The following PSEN1 variants were observed in gnomAD, a reference collection of about 807,000 sequenced individuals.
PSEN1 encodes presenilin 1.
Under a neutral mutation model 53.5 loss-of-function variants are expected in PSEN1, and 15 were observed. The observed-to-expected ratio is 0.28, with a 90% confidence interval of 0.19 to 0.43. PSEN1 has a LOEUF of 0.43. PSEN1 is among the 20% of genes least tolerant of loss of function. PSEN1 has a pLI of 1.00. For synonymous variants in PSEN1, 208 were observed against 209.8 expected (o/e 0.99, Z 0.08); for missense variants, 387 against 571.2 (o/e 0.68, Z 3.29).
At chr14:73,152,835 G>C (rs1897264643) in intron 3 of PSEN1, among the ~76,000 whole-genome samples, 1 of 152,194 alleles carries the variant, frequency 6.6e-6, no homozygotes, top group Admixed American at 6.5e-5. Flanking sequence ...TTGAGGCCAG[G>C]AGTTCCAGAC....
At chr14:73,202,161 C>G (rs1566647865) in intron 8 of PSEN1, among the ~76,000 whole-genome samples, 1 of 151,716 alleles carries the variant, frequency 6.6e-6, no homozygotes, top group African/African-American at 2.4e-5. Flanking sequence ...TCTCCTGCCT[C>G]AGCCTCCCGA....
intron 5 of PSEN1, chr14:73,174,043 C>T (rs965162548): frequency 1.6e-5 from 7 of 432,938 alleles, no homozygotes; most frequent in African/African-American, 1.4e-4. Flanking sequence ...ATCTATATGT[C>T]ATGAAAAAAT....
At chr14:73,218,085 G>T (rs1435984701) in intron 11 of PSEN1, among the ~76,000 whole-genome samples, 1 of 131,820 alleles carries the variant, frequency 7.6e-6, no homozygotes, top group African/African-American at 3.1e-5. Flanking sequence ...ACCGCACCTG[G>T]CTTTTTTTTT....
At chr14:73,185,647 A>G (rs1381165857) in intron 5 of PSEN1, among the ~76,000 whole-genome samples, 1 of 152,116 alleles carries the variant, frequency 6.6e-6, no homozygotes, top group African/African-American at 2.4e-5. Context: ...AGCGCTTAAA[A>G]CAATTTTTAA....
chr14:73,172,053 G>C (rs1897907278), intron 4 of PSEN1, among the ~76,000 whole-genome samples: 1 of 152,132 alleles, frequency 6.6e-6, no homozygotes, highest in Admixed American at 6.6e-5. Flanking sequence ...AGTCTCCAGG[G>C]TGAGGTGTAT....
intron 5 of PSEN1, among the ~76,000 whole-genome samples, chr14:73,185,909 G>T (rs918290621): frequency 6.6e-6 from 1 of 152,206 alleles, no homozygotes; most frequent in Non-Finnish European, 1.5e-5. Flanking sequence ...GAGCTAGACA[G>T]AAATTTTATA....
chr14:73,182,151 T>A (rs1898236393), intron 5 of PSEN1, among the ~76,000 whole-genome samples: 3 of 152,148 alleles, frequency 2.0e-5, no homozygotes, highest in South Asian at 4.1e-4. Context: ...TTTCTGTGTT[T>A]CTTAAGTGTT....
intron 5 of PSEN1, among the ~76,000 whole-genome samples, chr14:73,175,166 C>T (rs1011159565): frequency 6.6e-6 from 1 of 152,052 alleles, no homozygotes; most frequent in African/African-American, 2.4e-5. Context: ...CGCTCTTGTC[C>T]CGCAGGCTGG....
chr14:73,216,407 CA>C (rs1490636183), intron 10 of PSEN1, among the ~76,000 whole-genome samples: 1 of 152,130 alleles, frequency 6.6e-6, no homozygotes, highest in Non-Finnish European at 1.5e-5. Flanking sequence ...TTTCCACAAT[CA>C]TTGAATCATG....
intron 10 of PSEN1, among the ~76,000 whole-genome samples, chr14:73,214,156 ACAAT>A (rs1280335152): frequency 1.3e-5 from 2 of 151,984 alleles, no homozygotes; most frequent in African/African-American, 4.8e-5. Context: ...ATAAAAAGAA[ACAAT>A]CTATCATTAG....
chr14:73,164,876 G>A (rs1198750714), intron 3 of PSEN1, among the ~76,000 whole-genome samples: 1 of 151,364 alleles, frequency 6.6e-6, no homozygotes, highest in Non-Finnish European at 1.5e-5. Context: ...ATATATATAT[G>A]TTCATTCATA....
At chr14:73,212,047 A>G in intron 10 of PSEN1, 105 bp downstream of exon 10, 5 of 680,280 alleles carry the variant, frequency 7.3e-6, no homozygotes, top group South Asian at 3.1e-5. Flanking sequence ...GTCTAATTCT[A>G]TATCACATGT....
At chr14:73,141,714 G>C (rs543325928) in intron 1 of PSEN1, among the ~76,000 whole-genome samples, 1 of 152,108 alleles carries the variant, frequency 6.6e-6, no homozygotes, top group African/African-American at 2.4e-5. Context: ...GAACCCAGGA[G>C]GTGGAAGTTG....
Position 73,173,470 on chromosome 14 carries a change from G to C in PSEN1, c.339-96G>C, listed in dbSNP as rs557288733. ...AAAAGTGACTTATAAGATACGAATT[G>C]AATTAAGAAAAAGAAAATTCTGTGT... On this transcript the variant is annotated intron_variant, in intron 4 of 11. Coordinates refer to ENST00000324501, the MANE Select transcript of PSEN1 (RefSeq NM_000021.4). The C allele has an allele frequency of 4.8e-5, 62 of 1,280,322 alleles. No individual in the cohort carries two copies. In the African/African-American group the frequency reaches 9.0e-4, roughly 18 times the overall value. The allele number at this position is 1,280,322 out of a possible 1,614,324, so 79.3% of individuals were successfully genotyped here.
At chr14:73,183,188 GCT>G (rs1299308721) in intron 5 of PSEN1, among the ~76,000 whole-genome samples, 1 of 152,154 alleles carries the variant, frequency 6.6e-6, no homozygotes, top group Non-Finnish European at 1.5e-5. Flanking sequence ...TGCGATCTCA[GCT>G]CTCCACAACC....
chr14:73,147,545 C>T (rs563953471), intron 1 of PSEN1: 2 of 197,656 alleles, frequency 1.0e-5, no homozygotes, highest in Non-Finnish European at 2.1e-5. Flanking sequence ...TAAGATTACT[C>T]AGCTCCCTTT....
chr14:73,171,637 A>G (rs1897893620), intron 4 of PSEN1, among the ~76,000 whole-genome samples: 1 of 152,196 alleles, frequency 6.6e-6, no homozygotes, highest in Admixed American at 6.5e-5. Context: ...GTTAGACTGC[A>G]CAGGCTAAAC....
intron 5 of PSEN1, among the ~76,000 whole-genome samples, chr14:73,182,963 C>T (rs1246174254): frequency 6.6e-6 from 1 of 152,144 alleles, no homozygotes; most frequent in African/African-American, 2.4e-5. Flanking sequence ...TTAATATTTA[C>T]TCTGGTCCTT....
intron 4 of PSEN1, among the ~76,000 whole-genome samples, chr14:73,172,460 C>T (rs936043847): frequency 6.6e-5 from 10 of 152,220 alleles, no homozygotes; most frequent in African/African-American, 9.6e-5. Flanking sequence ...TGGCAAGCTA[C>T]AGCCACAGGC....
Sources: gnomAD v4.1 joint callset for allele counts (sites outside exome capture counted in the v4.1 genomes callset) on GRCh38, gnomAD v4.1.1 for gene constraint, MANE v1.5 for transcripts, NCBI Gene and HGNC (gene_info 2026-07-23, HGNC 2026-07-21) for gene names.